The following KCNAB1 variants were observed in gnomAD, a reference collection of about 807,000 sequenced individuals.
KCNAB1 encodes potassium voltage-gated channel subfamily A regulatory beta subunit 1, also known as voltage-gated potassium channel subunit beta-1.
KCNAB1 carries 35 observed loss-of-function variants against 64.6 expected under a neutral mutation model. That is an observed-to-expected ratio of 0.54 (90% CI 0.41 to 0.72). The LOEUF is 0.72. Ranked by LOEUF, KCNAB1 falls within the 30% of genes least tolerant of loss-of-function variation. The probability of loss-of-function intolerance (pLI) is 0.00; values close to 1 mark genes in which losing one functional copy is unlikely to be tolerated. For missense variants in KCNAB1, 401 were observed against 512.9 expected (o/e 0.78, Z 2.11); for synonymous variants, 177 against 183.8 (o/e 0.96, Z 0.30).
chr3:156,190,361 C>T (rs1713484871), intron 1 of KCNAB1, among the ~76,000 whole-genome samples: 1 of 152,000 alleles, frequency 6.6e-6, no homozygotes, highest in African/African-American at 2.4e-5. Context: ...AATATAATTG[C>T]ATCCTTCATT....
In KCNAB1 at chr3:156,457,477, G is replaced by T. The variant is rs911487110; in HGVS notation, c.382G>T (p.Ala128Ser). 1 of 1,613,822 alleles carries T rather than the reference G, an allele frequency of 6.2e-7. No homozygotes were observed. Residue 128 changes from alanine (A) to serine (S), a missense_variant, in exon 4 of 14, where the codon GCC becomes TCC. Ala to Ser is a moderately conservative substitution (Grantham distance 99, BLOSUM62 1). Coordinates refer to ENST00000490337, the MANE Select transcript of KCNAB1 (RefSeq NM_172160.3). ...GGTTGCTGAACGGCTGATGACCATC[G>T]CCTATGAAAGTGGTGTTAACCTCTT... is the stretch of plus-strand genomic sequence containing the variant. ...DEVAERLMTI[A>S]YESGVNLFDT... is the part of the protein sequence containing the mutation.
chr3:156,495,216 G>A (rs926114411), intron 8 of KCNAB1, among the ~76,000 whole-genome samples: 1 of 152,008 alleles, frequency 6.6e-6, no homozygotes, highest in African/African-American at 2.4e-5. Context: ...TCCTTTTTGT[G>A]GCTGTATAGT....
intron 2 of KCNAB1, among the ~76,000 whole-genome samples, chr3:156,443,323 T>C (rs927272980): frequency 2.0e-5 from 3 of 152,070 alleles, no homozygotes; most frequent in African/African-American, 4.8e-5. Context: ...CATGGGCAGA[T>C]TGTAAAGCAG....
At chr3:156,181,585 C>T (rs1469436790) in intron 1 of KCNAB1, among the ~76,000 whole-genome samples, 3 of 152,024 alleles carry the variant, frequency 2.0e-5, no homozygotes, top group South Asian at 4.2e-4. Flanking sequence ...AGTCCAGTCA[C>T]GAGGAGATGA....
intron 11 of KCNAB1, among the ~76,000 whole-genome samples, chr3:156,517,134 G>A (rs1281177330): frequency 6.6e-6 from 1 of 152,192 alleles, no homozygotes; most frequent in Non-Finnish European, 1.5e-5. Context: ...TAAAAAATCA[G>A]ATAAACCGGA....
intron 1 of KCNAB1, among the ~76,000 whole-genome samples, chr3:156,173,431 TAAACA>T (rs1712142409): frequency 1.3e-5 from 2 of 152,208 alleles, no homozygotes; most frequent in Non-Finnish European, 2.9e-5. Flanking sequence ...TTATAAATGT[TAAACA>T]CACTGGAAAT....
At chr3:156,384,513 A>G (rs1177768061) in intron 1 of KCNAB1, among the ~76,000 whole-genome samples, 1 of 152,212 alleles carries the variant, frequency 6.6e-6, no homozygotes, top group African/African-American at 2.4e-5. Flanking sequence ...CCAAAGGAAA[A>G]TGGAGTGCAA....
At chr3:156,477,298 A>G (rs1208690527) in intron 8 of KCNAB1, among the ~76,000 whole-genome samples, 1 of 152,182 alleles carries the variant, frequency 6.6e-6, no homozygotes, top group African/African-American at 2.4e-5. Context: ...CTTATATACA[A>G]TTCCACAAAG....
At chr3:156,206,466 A>G (rs1714670583) in intron 1 of KCNAB1, among the ~76,000 whole-genome samples, 1 of 152,184 alleles carries the variant, frequency 6.6e-6, no homozygotes, top group Non-Finnish European at 1.5e-5. Context: ...GAGGCTATAA[A>G]CAAGCACTTT....
intron 1 of KCNAB1, among the ~76,000 whole-genome samples, chr3:156,207,294 C>T (rs189405368): frequency 1.5e-4 from 23 of 152,282 alleles, no homozygotes; most frequent in Admixed American, 3.9e-4. Flanking sequence ...GGTATTTATA[C>T]TCTCCTTGCA....
At chr3:156,137,137 T>C (rs1303139639) in intron 1 of KCNAB1, among the ~76,000 whole-genome samples, 1 of 151,990 alleles carries the variant, frequency 6.6e-6, no homozygotes. Flanking sequence ...AGGTACTAAG[T>C]CTAGTACCAA....
intron 8 of KCNAB1, among the ~76,000 whole-genome samples, chr3:156,484,614 G>T (rs377372235): frequency 6.6e-6 from 1 of 152,106 alleles, no homozygotes; most frequent in Non-Finnish European, 1.5e-5. Flanking sequence ...CAGCAGATCT[G>T]CAGTGACATG....
chr3:156,497,757 T>G (rs1716104994), intron 8 of KCNAB1, among the ~76,000 whole-genome samples: 1 of 152,214 alleles, frequency 6.6e-6, no homozygotes, highest in African/African-American at 2.4e-5. Flanking sequence ...GTTAAATTTA[T>G]TTTTTAGCAA....
chr3:156,162,313 G>A (rs142143803), intron 1 of KCNAB1, among the ~76,000 whole-genome samples: 6 of 151,944 alleles, frequency 3.9e-5, no homozygotes, highest in Non-Finnish European at 1.5e-5. Flanking sequence ...CACTATACCT[G>A]TTTATTTTTG....
At chr3:156,340,505 A>C (rs1199812642) in intron 1 of KCNAB1, among the ~76,000 whole-genome samples, 2 of 152,042 alleles carry the variant, frequency 1.3e-5, no homozygotes, top group Non-Finnish European at 2.9e-5. Context: ...CCCTGGTTCC[A>C]TCTCACCCTA....
At chr3:156,157,332 C>T (rs1435591777) in intron 1 of KCNAB1, among the ~76,000 whole-genome samples, 1 of 152,102 alleles carries the variant, frequency 6.6e-6, no homozygotes, top group Non-Finnish European at 1.5e-5. Context: ...TACTTATGAA[C>T]ATATAGAAAA....
At chr3:156,299,213 G>A (rs931653211) in intron 1 of KCNAB1, among the ~76,000 whole-genome samples, 14 of 152,212 alleles carry the variant, frequency 9.2e-5, no homozygotes, top group African/African-American at 3.1e-4. Flanking sequence ...CAGGAAAGAA[G>A]CACAGCACAT....
chr3:156,204,049 C>G (rs1230455959), intron 1 of KCNAB1, among the ~76,000 whole-genome samples: 1 of 152,138 alleles, frequency 6.6e-6, no homozygotes, highest in Non-Finnish European at 1.5e-5. Context: ...CAGGTCTGGG[C>G]ACAGGGTGAA....
At chr3:156,303,708 T>C (rs1482524510) in intron 1 of KCNAB1, among the ~76,000 whole-genome samples, 2 of 152,186 alleles carry the variant, frequency 1.3e-5, no homozygotes, top group Non-Finnish European at 2.9e-5. Flanking sequence ...GGGCAGTGTA[T>C]TTAGAGTCAA....
Sources: gnomAD v4.1 joint callset for allele counts (sites outside exome capture counted in the v4.1 genomes callset) on GRCh38, gnomAD v4.1.1 for gene constraint, MANE v1.5 for transcripts, NCBI Gene and HGNC (gene_info 2026-07-23, HGNC 2026-07-21) for gene names.